The following CNTNAP2 variants were observed in gnomAD, a reference collection of about 807,000 sequenced individuals.
CNTNAP2 encodes contactin-associated protein-like 2.
CNTNAP2 carries 98 observed loss-of-function variants against 155.2 expected under a neutral mutation model. The ratio of observed to expected loss-of-function variants is 0.63; its 90% CI spans 0.54 to 0.75. The LOEUF (loss-of-function observed/expected upper bound fraction) is 0.75. Among genes scored for constraint, CNTNAP2 ranks in the 30% least tolerant of loss-of-function variants. The probability of loss-of-function intolerance (pLI) is 0.00; values close to 1 mark genes in which losing one functional copy is unlikely to be tolerated. For synonymous variants in CNTNAP2, 651 were observed against 631.2 expected (o/e 1.03, Z -0.47); for missense variants, 1,727 against 1,688.1 (o/e 1.02, Z -0.40).
At chr7:146,801,014 T>C (rs1378279712) in intron 2 of CNTNAP2, among the ~76,000 whole-genome samples, 1 of 152,166 alleles carries the variant, frequency 6.6e-6, no homozygotes, top group Non-Finnish European at 1.5e-5. Flanking sequence ...CTGTTTTGCA[T>C]TGTTATAAAG....
chr7:147,588,633 T>A (rs1296323748), intron 12 of CNTNAP2, among the ~76,000 whole-genome samples: 1 of 152,216 alleles, frequency 6.6e-6, no homozygotes, highest in Admixed American at 6.5e-5. Context: ...TAATCAGATG[T>A]GCCATTATGT....
intron 3 of CNTNAP2, among the ~76,000 whole-genome samples, chr7:146,971,562 G>T (rs1584758027): frequency 6.6e-6 from 1 of 152,148 alleles, no homozygotes; most frequent in Non-Finnish European, 1.5e-5. Flanking sequence ...CTGGAAGCTG[G>T]GAAGTCCAAA....
At chr7:147,673,540 A>G (rs1795821559) in intron 13 of CNTNAP2, among the ~76,000 whole-genome samples, 1 of 152,216 alleles carries the variant, frequency 6.6e-6, no homozygotes, top group African/African-American at 2.4e-5. Flanking sequence ...TATATAAGAA[A>G]AAAACCTCAT....
chr7:148,286,282 A>C (rs1797080593), intron 21 of CNTNAP2, among the ~76,000 whole-genome samples: 1 of 152,170 alleles, frequency 6.6e-6, no homozygotes, highest in Admixed American at 6.5e-5. Flanking sequence ...ATTCCTGATA[A>C]GGTTCTCTCC....
chr7:147,509,633 G>C (rs1013912595), intron 11 of CNTNAP2, among the ~76,000 whole-genome samples: 1 of 152,016 alleles, frequency 6.6e-6, no homozygotes, highest in South Asian at 2.1e-4. Flanking sequence ...CACTGTCTTA[G>C]CAGTTACACT....
chr7:146,827,374 G>A (rs1049801920), intron 2 of CNTNAP2, among the ~76,000 whole-genome samples: 3 of 152,006 alleles, frequency 2.0e-5, no homozygotes, highest in African/African-American at 7.2e-5. Flanking sequence ...TAATAGAGGG[G>A]CAATTTGGTA....
At chr7:146,306,499 A>G (rs1800715547) in intron 1 of CNTNAP2, among the ~76,000 whole-genome samples, 1 of 152,188 alleles carries the variant, frequency 6.6e-6, no homozygotes, top group South Asian at 2.1e-4. Flanking sequence ...AATCCTCAAT[A>G]AAATACTGGC....
intron 1 of CNTNAP2, among the ~76,000 whole-genome samples, chr7:146,163,300 G>A (rs1297096334): frequency 6.6e-6 from 1 of 151,434 alleles, no homozygotes; most frequent in African/African-American, 2.4e-5. Flanking sequence ...TGAGCCAGAC[G>A]AGGTGGCTCA....
intron 13 of CNTNAP2, among the ~76,000 whole-genome samples, chr7:147,646,125 T>TTTG (rs370877692): frequency 5.3e-5 from 8 of 152,052 alleles, no homozygotes; most frequent in Admixed American, 2.0e-4. Context: ...TGAGAGAAAG[T>TTTG]TTGTTGTTGT....
intron 8 of CNTNAP2, among the ~76,000 whole-genome samples, chr7:147,276,752 GT>G (rs1335286828): frequency 6.6e-6 from 1 of 151,644 alleles, no homozygotes; most frequent in Non-Finnish European, 1.5e-5. Context: ...ACTATGTTAG[GT>G]TTTTTATACT....
intron 12 of CNTNAP2, among the ~76,000 whole-genome samples, chr7:147,606,645 A>G (rs986380167): frequency 1.3e-5 from 2 of 152,236 alleles, no homozygotes; most frequent in African/African-American, 2.4e-5. Flanking sequence ...AATGGCACCC[A>G]TAGGGACCTT....
chr7:147,252,763 A>T (rs1381204784), intron 8 of CNTNAP2, among the ~76,000 whole-genome samples: 1 of 152,180 alleles, frequency 6.6e-6, no homozygotes, highest in East Asian at 1.9e-4. Context: ...TTCTGCTGTT[A>T]TGTATGCTTT....
rs578012314 is a variant in CNTNAP2 at position 148,077,564 on chromosome 7, A to G, written c.2384-40554A>G. ...AACCCTGGGGAGATTCAAATAAACA[A>G]ATTCAAAATGCCCCTTAGAGTCTTT... On this transcript the variant is annotated intron_variant, in intron 15 of 23. Coordinates refer to ENST00000361727, the MANE Select transcript of CNTNAP2 (RefSeq NM_014141.6). 3.3e-5 allele frequency among the ~76,000 whole-genome samples: 5 copies of G among 152,328 alleles called. No homozygotes were observed. In the East Asian group the frequency reaches 9.7e-4, roughly 29 times the overall value.
chr7:146,734,691 A>G (rs577538576), intron 1 of CNTNAP2, among the ~76,000 whole-genome samples: 2 of 152,340 alleles, frequency 1.3e-5, no homozygotes, highest in South Asian at 2.1e-4. Context: ...TAGATTCTAA[A>G]TATTTTTAAA....
intron 20 of CNTNAP2, among the ~76,000 whole-genome samples, chr7:148,242,598 C>G (rs935598994): frequency 6.6e-6 from 1 of 152,246 alleles, no homozygotes; most frequent in Non-Finnish European, 1.5e-5. Context: ...GTCGCGGATA[C>G]CGCGATGGCG....
intron 16 of CNTNAP2, among the ~76,000 whole-genome samples, chr7:148,141,999 G>T (rs759740007): frequency 3.3e-5 from 5 of 152,072 alleles, no homozygotes; most frequent in African/African-American, 9.7e-5. Context: ...GGAAACAAAA[G>T]GGTGCATAGA....
At chr7:148,350,347 A>T (rs2116597161) in intron 21 of CNTNAP2, among the ~76,000 whole-genome samples, 1 of 152,314 alleles carries the variant, frequency 6.6e-6, no homozygotes, top group Non-Finnish European at 1.5e-5. Context: ...TTCCCAAATG[A>T]CAGCTCTTCT....
At chr7:147,341,070 TTGTGTGTGTG>T (rs61319652) in intron 9 of CNTNAP2, among the ~76,000 whole-genome samples, 7 of 148,802 alleles carry the variant, frequency 4.7e-5, no homozygotes, top group South Asian at 2.1e-4. Flanking sequence ...CATTGTGTGT[TTGTGTGTGTG>T]TGTGTGTGTG....
intron 15 of CNTNAP2, among the ~76,000 whole-genome samples, chr7:148,044,932 A>G (rs1032099161): frequency 5.3e-5 from 8 of 152,172 alleles, no homozygotes; most frequent in Admixed American, 6.5e-5. Flanking sequence ...GACTCAAGCA[A>G]TCCTTCGCCT....
Sources: allele counts gnomAD v4.1 joint callset (sites outside exome capture counted in the v4.1 genomes callset), GRCh38; gene constraint gnomAD v4.1.1; transcripts MANE v1.5; gene names NCBI Gene and HGNC (gene_info 2026-07-23, HGNC 2026-07-21).